DGKZ: variants seen among roughly 807,000 people sequenced by gnomAD.
DGKZ encodes DAG kinase zeta.
DGKZ carries 45 observed loss-of-function variants against 142.5 expected under a neutral mutation model. The ratio of observed to expected loss-of-function variants is 0.32; its 90% CI spans 0.25 to 0.40. DGKZ has a LOEUF of 0.40. Ranked by LOEUF, DGKZ falls within the 10% of genes least tolerant of loss-of-function variation. The pLI, the probability that DGKZ is intolerant of heterozygous loss-of-function variation, is 1.00. For synonymous variants in DGKZ, 442 were observed against 527.0 expected, an observed-to-expected ratio of 0.84 and a Z score of 2.21; for missense variants, 755 against 1,306.5, an observed-to-expected ratio of 0.58 and a Z score of 6.51.
At chr11:46,344,408 C>T (rs765003920), upstream of DGKZ, among the ~76,000 whole-genome samples, 9 of 151,570 alleles carry the variant, frequency 5.9e-5, no homozygotes, top group Admixed American at 5.9e-4. Context: ...ATTTGTCAAC[C>T]TTCCTATCTC....
Position 46,378,600 on chromosome 11 carries a change from G to A in DGKZ, c.2418+100G>A, listed in dbSNP as rs139662183. ...CCAAGAGCTGACCTGCTCAGGTGCT[G>A]TCATCTGTCATCGTCTGGCCCTCTG... On this transcript the variant is annotated intron_variant, in intron 27 of 30. Transcript: ENST00000527911. 5.4e-4 allele frequency: 791 copies of A among 1,474,376 alleles called. 4 individuals are homozygous for A. The African/African-American group carries it at 9.7e-3, about 18-fold the overall frequency. 91.3% of individuals were successfully genotyped at this position (1,474,376 alleles called of 1,614,324 possible). A position where few individuals can be genotyped will look rare whatever the true frequency, so the allele number is the denominator to read the frequency against.
At chr11:46,365,614 C>T in intron 1 of DGKZ, 1 of 985,410 alleles carries the variant, frequency 1.0e-6, no homozygotes, top group Non-Finnish European at 1.2e-6. Context: ...CAGGAGTCAC[C>T]TTCAGCCTGA....
At chr11:46,355,810 G>C (rs549715560) in intron 1 of DGKZ, among the ~76,000 whole-genome samples, 6 of 152,156 alleles carry the variant, frequency 3.9e-5, no homozygotes, top group Middle Eastern at 3.4e-3. Context: ...GCAATGGCGC[G>C]GTCTCGGCTC....
chr11:46,333,392 G>A, exon 1 of DGKZ: 1 of 1,442,012 alleles, frequency 6.9e-7, no homozygotes, highest in Non-Finnish European at 9.0e-7. Context: ...CCCAGGTCGC[G>A]CAGCCCTGGC....
intron 1 of DGKZ, chr11:46,366,782 G>C (rs1241662894): frequency 2.6e-6 from 4 of 1,547,724 alleles, no homozygotes; most frequent in Non-Finnish European, 3.5e-6. Flanking sequence ...ATATGACCAC[G>C]CTCTCTGGGG....
At chr11:46,353,629 T>G (rs1941670468) in intron 1 of DGKZ, among the ~76,000 whole-genome samples, 1 of 152,170 alleles carries the variant, frequency 6.6e-6, no homozygotes, top group South Asian at 2.1e-4. Context: ...ATGGACATGC[T>G]CAGAGGAGCC....
At chr11:46,373,372 C>T (rs1281281579) in intron 14 of DGKZ, among the ~76,000 whole-genome samples, 1 of 149,670 alleles carries the variant, frequency 6.7e-6, no homozygotes, top group East Asian at 1.9e-4. Flanking sequence ...CTGCAACCTC[C>T]GCCTCCCAGG....
chr11:46,338,556 G>A (rs1333740225), intron 1 of DGKZ: 3 of 127,774 alleles, frequency 2.3e-5, no homozygotes, highest in African/African-American at 8.7e-5. Flanking sequence ...ACAAAAACAA[G>A]CAGCAGGCTG....
Position 46,375,053 on chromosome 11 carries a change from G to A in DGKZ, c.1710+8G>A. On this transcript the variant is annotated splice_region_variant and intron_variant, in intron 19 of 30. Coordinates refer to ENST00000527911, the Ensembl canonical transcript of DGKZ. Reference sequence around the variant, plus strand: ...TTCACCATGACGTCGTTGGTGAGTGGGCCCTGGGCCCATGGTGCCTGGGAG... The same window carrying A: ...TTCACCATGACGTCGTTGGTGAGTGAGCCCTGGGCCCATGGTGCCTGGGAG... 3 of 1,580,964 alleles carry A rather than the reference G, an allele frequency of 1.9e-6. No homozygotes were observed. Among genetic ancestry groups the A allele is most frequent in the South Asian group, 2.3e-5 (2 of 87,756 alleles).
At chr11:46,366,313 G>A (rs774671266) in intron 1 of DGKZ, 18 of 1,579,516 alleles carry the variant, frequency 1.1e-5, no homozygotes, top group Middle Eastern at 3.5e-4. Flanking sequence ...CTGGAGAGGG[G>A]CAGCAGCGGC....
intron 1 of DGKZ, among the ~76,000 whole-genome samples, chr11:46,348,303 G>C (rs1396741854): frequency 6.6e-6 from 1 of 152,200 alleles, no homozygotes; most frequent in African/African-American, 2.4e-5. Flanking sequence ...CCATCACTGC[G>C]TGGCATCTGC....
At position 46,367,827 on chromosome 11, in the gene DGKZ, C is replaced by G. The variant is rs769254198; in HGVS notation, c.366+80C>G. On this transcript the variant is annotated intron_variant, in intron 3 of 30. Transcript: ENST00000527911. This position sits in a 1 kb window ranked among gnomAD's most constrained non-coding sequence, Gnocchi z 4.1. ...CCTTCCGGGAACGTGGGATTGAGCC[C>G]GCTCCCTGGCACCCCTGCTGTGGGC... is the stretch of plus-strand genomic sequence containing the variant. 18 of 1,573,866 alleles carry G rather than the reference C, an allele frequency of 1.1e-5. No homozygotes were observed. The highest frequency in any genetic ancestry group is 1.7e-5 in the Admixed American group (1 of 58,752).
Position 46,335,983 on chromosome 11 carries a change from C to A in DGKZ, c.212+2496C>A, listed in dbSNP as rs147821787. On this transcript the variant is annotated intron_variant, in intron 1 of 30. Transcript: ENST00000343674. ...ATGCCACAGTTCCGTGCAGCTCTGG[C>A]TGGCAGCTAAACCTCCTACCCTGCT... 3.2e-4 allele frequency among the ~76,000 whole-genome samples: 49 copies of A among 152,352 alleles called. No individual in the cohort carries two copies. In the East Asian group the frequency reaches 8.7e-3, roughly 27 times the overall value.
intron 26 of DGKZ, 71 bp from the exon 27 acceptor site, chr11:46,378,386 T>C (rs1221653454): frequency 6.4e-7 from 1 of 1,555,306 alleles, no homozygotes; most frequent in Non-Finnish European, 8.7e-7. Flanking sequence ...GCCGGCACAG[T>C]CCTGTCCACT....
At chr11:46,359,672 C>T (rs954006737) in intron 1 of DGKZ, among the ~76,000 whole-genome samples, 9 of 151,828 alleles carry the variant, frequency 5.9e-5, no homozygotes, top group Admixed American at 1.3e-4. Flanking sequence ...GGCGTGATCT[C>T]GGCTCACTGC....
chr11:46,340,629 C>G (rs1590375949), intron 1 of DGKZ, among the ~76,000 whole-genome samples: 1 of 152,212 alleles, frequency 6.6e-6, no homozygotes, highest in Non-Finnish European at 1.5e-5. Flanking sequence ...TCATGACTTT[C>G]GTGAAGCTAC....
At chr11:46,369,370 C>G (rs753566765) in intron 4 of DGKZ, 124 bp from the exon 5 acceptor site, 4 of 1,125,770 alleles carry the variant, frequency 3.6e-6, no homozygotes, top group Non-Finnish European at 5.3e-6. Context: ...CAAGGACTCT[C>G]GTGACGATTT....
intron 26 of DGKZ, 67 bp from the exon 27 acceptor site, chr11:46,378,390 G>C: frequency 6.4e-7 from 1 of 1,556,926 alleles, no homozygotes; most frequent in East Asian, 2.3e-5. Flanking sequence ...GCACAGTCCT[G>C]TCCACTGAGG....
At chr11:46,345,117 G>A (rs1940491401), upstream of DGKZ, 2 of 488,658 alleles carry the variant, frequency 4.1e-6, no homozygotes. The surrounding 1 kb of genome is among the most constrained non-coding windows in gnomAD (Gnocchi z 4.1). Context: ...AGGACCAAGA[G>A]TTGAAAATCA....
Sources: gnomAD v4.1 joint callset for allele counts (sites outside exome capture counted in the v4.1 genomes callset) on GRCh38, gnomAD v4.1.1 for gene constraint, Gnocchi (gnomAD v3.1) non-coding constraint, MANE v1.5 for transcripts, NCBI Gene and HGNC (gene_info 2026-07-23, HGNC 2026-07-21) for gene names.